Variants in GJB7 observed in about 807,000 individuals in gnomAD.
GJB7 encodes gap junction protein beta 7, also known as gap junction beta-7 protein.
For missense variants in GJB7, 253 were observed against 256.8 expected, an observed-to-expected ratio of 0.99 and a Z score of 0.10; for synonymous variants, 87 against 95.2, an observed-to-expected ratio of 0.91 and a Z score of 0.50.
intron 1 of GJB7, among the ~76,000 whole-genome samples, chr6:87,324,124 T>TG (rs1471173130): frequency 5.9e-5 from 9 of 152,070 alleles, no homozygotes; most frequent in Non-Finnish European, 1.0e-4. Context: ...TGGGGTTCTT[T>TG]GTTTTTGTCT....
intron 2 of GJB7, among the ~76,000 whole-genome samples, chr6:87,302,242 G>T (rs1033949393): frequency 1.3e-5 from 2 of 152,150 alleles, no homozygotes; most frequent in African/African-American, 2.4e-5. Flanking sequence ...GCTAAAGGAG[G>T]AAGTTCGAAT....
chr6:87,312,651 T>C (rs1145713), intron 2 of GJB7, among the ~76,000 whole-genome samples: 92,703 of 152,114 alleles, frequency 0.61, 28,570 homozygotes, highest in African/African-American at 0.65. Flanking sequence ...GAGAATCTCT[T>C]ACAAGTATAC....
At chr6:87,300,049 G>T (rs1776298648) in intron 2 of GJB7, 1 of 331,412 alleles carries the variant, frequency 3.0e-6, no homozygotes, top group Non-Finnish European at 5.9e-6. Context: ...AAGAGCTGCT[G>T]TTGAAGAAGG....
At chr6:87,286,011 T>C (rs933084272) in intron 2 of GJB7, among the ~76,000 whole-genome samples, 6 of 152,192 alleles carry the variant, frequency 3.9e-5, no homozygotes, top group Admixed American at 3.9e-4. Context: ...TCTATACCAC[T>C]CTACCCTCTC....
chr6:87,298,895 G>C (rs1309921552), intron 2 of GJB7: 20 of 417,406 alleles, frequency 4.8e-5, no homozygotes, highest in South Asian at 4.2e-4. Context: ...CTGCTTCAGG[G>C]TGTAGACTTT....
chr6:87,318,372 G>A (rs1776614250), intron 2 of GJB7, among the ~76,000 whole-genome samples: 1 of 152,118 alleles, frequency 6.6e-6, no homozygotes, highest in African/African-American at 2.4e-5. Context: ...GCACAACAAC[G>A]AACTGAACCT....
chr6:87,284,361 G>A lies in GJB7; in HGVS notation c.552C>T (p.Val184=), dbSNP rs111624269. ...ACACAATACACAAGCATGAGGTGAT[G>A]ACCAAGAAGAGGATGAAGATCGTCT... ...TEKTIFILFL[V]ITSCLCIVLN... is the part of the protein sequence containing the mutation. Residue 184 remains valine (V), a synonymous_variant, in exon 3 of 3, where the codon GTC becomes GTT. Transcript: ENST00000525899. The A allele has an allele frequency of 6.4e-4, 1,035 of 1,614,036 alleles. 3 individuals are homozygous for A. The African/African-American group carries it at 0.012, about 19-fold the overall frequency.
intron 2 of GJB7, among the ~76,000 whole-genome samples, chr6:87,289,635 A>G (rs1466907182): frequency 6.6e-6 from 1 of 152,192 alleles, no homozygotes; most frequent in Non-Finnish European, 1.5e-5. Flanking sequence ...TTGAGTAAAC[A>G]ATGTGCCTGA....
intron 1 of GJB7, among the ~76,000 whole-genome samples, chr6:87,325,749 C>T (rs552230065): frequency 3.3e-4 from 50 of 152,178 alleles, no homozygotes; most frequent in African/African-American, 9.4e-4. Context: ...TGTCTCTGCC[C>T]GGCTTTCATA....
At chr6:87,285,621 C>A (rs114802844) in intron 2 of GJB7, among the ~76,000 whole-genome samples, 1 of 152,218 alleles carries the variant, frequency 6.6e-6, no homozygotes, top group African/African-American at 2.4e-5. Context: ...TAATCATTCA[C>A]GCTCTATATC....
At chr6:87,298,655 A>G (rs977154954) in intron 2 of GJB7, 5 of 168,676 alleles carry the variant, frequency 3.0e-5, no homozygotes, top group African/African-American at 9.6e-5. Flanking sequence ...ACTAACTTCT[A>G]TAGTGTAAAA....
intron 2 of GJB7, among the ~76,000 whole-genome samples, chr6:87,316,080 G>A (rs1776580799): frequency 6.6e-6 from 1 of 152,158 alleles, no homozygotes; most frequent in Non-Finnish European, 1.5e-5. Flanking sequence ...CCCTTTAGGG[G>A]ATCAGATTTG....
At chr6:87,304,720 A>C (rs1254750002) in intron 2 of GJB7, among the ~76,000 whole-genome samples, 5 of 152,120 alleles carry the variant, frequency 3.3e-5, no homozygotes, top group African/African-American at 7.2e-5. Flanking sequence ...GAGACACAAC[A>C]AAAAAAGAGA....
intron 2 of GJB7, among the ~76,000 whole-genome samples, chr6:87,296,290 A>G (rs1776249134): frequency 6.6e-6 from 1 of 152,240 alleles, no homozygotes; most frequent in Admixed American, 6.5e-5. Context: ...CAAATAAACA[A>G]TTCTTAACCA....
chr6:87,312,995 T>G (rs1374135953), intron 2 of GJB7, among the ~76,000 whole-genome samples: 1 of 152,242 alleles, frequency 6.6e-6, no homozygotes, highest in Non-Finnish European at 1.5e-5. Context: ...TGTCCTCTCC[T>G]GGAGATTTCA....
intron 2 of GJB7, among the ~76,000 whole-genome samples, chr6:87,318,889 T>TA (rs1204690638): frequency 6.6e-6 from 1 of 152,156 alleles, no homozygotes; most frequent in Non-Finnish European, 1.5e-5. Flanking sequence ...TATTATTTTT[T>TA]AAAAAAAGAC....
chr6:87,318,683 G>T (rs1018058085), intron 2 of GJB7, among the ~76,000 whole-genome samples: 2 of 152,170 alleles, frequency 1.3e-5, no homozygotes, highest in African/African-American at 2.4e-5. Flanking sequence ...GAGTGGGAGA[G>T]CATGGATAAA....
In GJB7 at chr6:87,320,785, C is replaced by T. The variant is rs112059318; in HGVS notation, c.-28+2081G>A. 4.7e-3 allele frequency among the ~76,000 whole-genome samples: 716 copies of T among 152,250 alleles called. 8 individuals are homozygous for T. The highest frequency in any genetic ancestry group is 0.016 in the African/African-American group (673 of 41,550). ...TAAGCTCTGCCTGAAGATGTGAAGCCAGCTGGAGTTAAGGTAAGCGGGGGT... is the reference window on the plus strand; with the variant it reads ...TAAGCTCTGCCTGAAGATGTGAAGCTAGCTGGAGTTAAGGTAAGCGGGGGT... On this transcript the variant is annotated intron_variant, in intron 2 of 2. Transcript: ENST00000525899.
intron 2 of GJB7, among the ~76,000 whole-genome samples, chr6:87,315,795 C>CAAA (rs1161194601): frequency 3.2e-3 from 229 of 72,258 alleles, no homozygotes; most frequent in African/African-American, 7.4e-3. Context: ...GACTCTATCT[C>CAAA]AAAAAAAAAA....
Sources: gnomAD v4.1 joint callset for allele counts (sites outside exome capture counted in the v4.1 genomes callset) on GRCh38, gnomAD v4.1.1 for gene constraint, MANE v1.5 for transcripts, NCBI Gene and HGNC (gene_info 2026-07-23, HGNC 2026-07-21) for gene names.